Variants in MAPK10 observed in about 807,000 individuals in gnomAD.
MAPK10 encodes the protein JNK3 alpha protein kinase.
Under a neutral mutation model 59.3 loss-of-function variants are expected in MAPK10, and 25 were observed. The observed-to-expected ratio is 0.42, with a 90% CI of 0.31 to 0.59. The LOEUF is 0.59. Among genes scored for constraint, MAPK10 ranks in the 20% least tolerant of loss-of-function variants. The pLI is 0.15. For synonymous variants in MAPK10, 190 were observed against 200.5 expected (o/e 0.95, Z 0.44); for missense variants, 351 against 568.9 (o/e 0.62, Z 3.90).
At position 86,327,363 on chromosome 4, in the gene MAPK10, T is replaced by C. The variant is rs1441870612; in HGVS notation, c.-7+27167A>G. On this transcript the variant is annotated intron_variant, in intron 2 of 13. Coordinates refer to ENST00000641462, the MANE Select transcript of MAPK10 (RefSeq NM_138982.4). ...TACCAAACAGGGATACCTTTAATTT[T>C]TTTTTAGCACAGATTATCTCACCCC... is the stretch of plus-strand genomic sequence containing the variant. 13 of 152,240 alleles carry C rather than the reference T, an allele frequency of 8.5e-5. No individual in the cohort carries two copies. The East Asian group carries it at 2.5e-3, about 29-fold the overall frequency. 9.4% of individuals were successfully genotyped at this position (152,240 alleles called of 1,614,324 possible).
chr4:86,070,086 G>C (rs540248312), intron 9 of MAPK10, among the ~76,000 whole-genome samples: 1 of 152,254 alleles, frequency 6.6e-6, no homozygotes, highest in South Asian at 2.1e-4. Context: ...TGTGATTCTT[G>C]ATGCAATGGT....
chr4:86,582,333 A>G (rs1762367351), intron 1 of MAPK10, among the ~76,000 whole-genome samples: 1 of 152,182 alleles, frequency 6.6e-6, no homozygotes, highest in African/African-American at 2.4e-5. Flanking sequence ...ATTTCCAAGT[A>G]CTAGATACCA....
intron 8 of MAPK10, chr4:86,099,377 G>C (rs2054887169): frequency 6.6e-6 from 1 of 152,186 alleles, no homozygotes; most frequent in Admixed American, 6.5e-5. Flanking sequence ...AGGAAAACAT[G>C]CTTTGCCTTC....
intron 9 of MAPK10, chr4:86,080,779 C>T (rs1455908402): frequency 6.6e-6 from 1 of 151,904 alleles, no homozygotes; most frequent in South Asian, 2.1e-4. Flanking sequence ...TCTAAATGAA[C>T]ATGTGCCAAG....
At chr4:86,270,033 A>G (rs1165969670) in intron 2 of MAPK10, among the ~76,000 whole-genome samples, 1 of 152,138 alleles carries the variant, frequency 6.6e-6, no homozygotes. Flanking sequence ...TCCATTTTAA[A>G]TAAAAAATAC....
At chr4:86,202,465 A>G (rs2082852368) in intron 2 of MAPK10, among the ~76,000 whole-genome samples, 1 of 151,960 alleles carries the variant, frequency 6.6e-6, no homozygotes, top group South Asian at 2.1e-4. Flanking sequence ...TTGTTGGTAT[A>G]TAGATAATGT....
chr4:86,213,378 A>C (rs893091983), intron 2 of MAPK10, among the ~76,000 whole-genome samples: 2 of 152,096 alleles, frequency 1.3e-5, no homozygotes, highest in Admixed American at 6.5e-5. Context: ...AAAATAGAGA[A>C]TAGAAAAGCA....
chr4:86,214,520 A>C (rs1214282942), intron 2 of MAPK10, among the ~76,000 whole-genome samples: 1 of 149,028 alleles, frequency 6.7e-6, no homozygotes. Flanking sequence ...TTAAAAAAAA[A>C]AAAAAAAAAA....
chr4:86,020,220 G>T (rs1438846296), intron 13 of MAPK10: 1 of 152,210 alleles, frequency 6.6e-6, no homozygotes, highest in Non-Finnish European at 1.5e-5. Flanking sequence ...ATAGCAGAAT[G>T]TTTTTAAGGC....
chr4:86,203,356 G>C (rs1470344706), intron 2 of MAPK10, among the ~76,000 whole-genome samples: 1 of 151,826 alleles, frequency 6.6e-6, no homozygotes, highest in African/African-American at 2.4e-5. Flanking sequence ...ACTATGACGT[G>C]TTTTCACAGC....
At chr4:86,574,812 G>T (rs535669427) in intron 1 of MAPK10, among the ~76,000 whole-genome samples, 1 of 152,220 alleles carries the variant, frequency 6.6e-6, no homozygotes, top group Admixed American at 6.5e-5. Context: ...AATGCTGATA[G>T]TTTTATTTCT....
chr4:86,418,967 G>C (rs1231866968), intron 1 of MAPK10, among the ~76,000 whole-genome samples: 3 of 152,092 alleles, frequency 2.0e-5, no homozygotes, highest in African/African-American at 7.2e-5. Context: ...GGATGCAAAG[G>C]GATAAGAACG....
At chr4:86,522,517 A>T (rs1053605658) in intron 1 of MAPK10, among the ~76,000 whole-genome samples, 1 of 152,072 alleles carries the variant, frequency 6.6e-6, no homozygotes, top group African/African-American at 2.4e-5. Flanking sequence ...GTGCATTTCA[A>T]TTCTATCCCG....
chr4:86,104,951 C>T (rs1350790650), intron 5 of MAPK10, among the ~76,000 whole-genome samples: 1 of 151,996 alleles, frequency 6.6e-6, no homozygotes, highest in African/African-American at 2.4e-5. Context: ...ATAAAATTTC[C>T]ATTTTAATCC....
intron 3 of MAPK10, among the ~76,000 whole-genome samples, chr4:86,168,165 C>T (rs1437120199): frequency 6.6e-6 from 1 of 152,212 alleles, no homozygotes. Context: ...GCATTTCCAT[C>T]TGAGGTACCG....
chr4:86,568,818 G>A (rs1259602047), intron 1 of MAPK10, among the ~76,000 whole-genome samples: 1 of 152,056 alleles, frequency 6.6e-6, no homozygotes, highest in Non-Finnish European at 1.5e-5. Flanking sequence ...AGACTTAAAT[G>A]TAACACCTGA....
At position 86,407,721 on chromosome 4, in the gene MAPK10, G is replaced by C. The variant is rs145836350; in HGVS notation, c.-122+45309C>G. Reference sequence around the variant, plus strand: ...GTAAAAAGAATAAAGTGATACTAAAGTATAAATGTAATAAAATATAAAATA... The same window carrying C: ...GTAAAAAGAATAAAGTGATACTAAACTATAAATGTAATAAAATATAAAATA... On this transcript the variant is annotated intron_variant, in intron 1 of 13. Transcript: ENST00000361569. Among the ~76,000 whole-genome samples, 1,479 of 151,870 alleles carry C rather than the reference G, an allele frequency of 9.7e-3. 18 individuals are homozygous for C. Among genetic ancestry groups the C allele is most frequent in the African/African-American group, 0.034 (1,404 of 41,386 alleles).
intron 2 of MAPK10, among the ~76,000 whole-genome samples, chr4:86,320,334 G>A (rs1649916387): frequency 6.6e-6 from 1 of 152,168 alleles, no homozygotes; most frequent in South Asian, 2.1e-4. Context: ...CAACTACAGT[G>A]TATTATGATT....
At chr4:86,130,255 A>G (rs1322030334) in intron 4 of MAPK10, among the ~76,000 whole-genome samples, 2 of 152,056 alleles carry the variant, frequency 1.3e-5, no homozygotes, top group Non-Finnish European at 2.9e-5. Context: ...TTTTTTACTT[A>G]TTGGACATTT....
Sources: gnomAD v4.1 joint callset for allele counts (sites outside exome capture counted in the v4.1 genomes callset) on GRCh38, gnomAD v4.1.1 for gene constraint, MANE v1.5 for transcripts, NCBI Gene and HGNC (gene_info 2026-07-23, HGNC 2026-07-21) for gene names.